The following MAD1L1 variants were observed in gnomAD, a reference collection of about 807,000 sequenced individuals.
MAD1L1 encodes the protein mitotic spindle assembly checkpoint protein MAD1.
Under a neutral mutation model 96.9 loss-of-function variants are expected in MAD1L1, and 95 were observed. That is an observed-to-expected ratio of 0.98 (90% CI 0.83 to 1.16). The LOEUF is 1.16. Among genes scored for constraint, MAD1L1 ranks in the 50% most tolerant of loss-of-function variants. The pLI, the probability that MAD1L1 is intolerant of heterozygous loss-of-function variation, is 0.00. For missense variants in MAD1L1, 1,007 were observed against 954.4 expected, an observed-to-expected ratio of 1.06 and a Z score of -0.73; for synonymous variants, 473 against 396.6, an observed-to-expected ratio of 1.19 and a Z score of -2.29.
chr7:2,156,648 C>T (rs1284312682), intron 10 of MAD1L1, among the ~76,000 whole-genome samples: 6 of 151,972 alleles, frequency 3.9e-5, no homozygotes, highest in Non-Finnish European at 8.8e-5. Context: ...GGTGAAACCC[C>T]GTCTCTACTA....
At chr7:1,936,012 G>A (rs901237556) in intron 17 of MAD1L1, among the ~76,000 whole-genome samples, 3 of 152,242 alleles carry the variant, frequency 2.0e-5, no homozygotes, top group African/African-American at 4.8e-5. Context: ...AACACAGGGG[G>A]CAGGGGTCTC....
chr7:2,210,527 C>T (rs113383409), intron 10 of MAD1L1, among the ~76,000 whole-genome samples: 1,304 of 122,690 alleles, frequency 0.011, 9 homozygotes, highest in African/African-American at 0.049. Flanking sequence ...ACCGCCAGCC[C>T]GCATTCCCGT....
At chr7:1,886,317 T>G (rs1562489795) in intron 18 of MAD1L1, among the ~76,000 whole-genome samples, 1 of 152,206 alleles carries the variant, frequency 6.6e-6, no homozygotes, top group Non-Finnish European at 1.5e-5. Context: ...TGCCCACTTA[T>G]TCACAAGCCT....
intron 18 of MAD1L1, among the ~76,000 whole-genome samples, chr7:1,882,914 ACGGCCCCAGGAACCAGC>A (rs1785776143): frequency 2.7e-5 from 4 of 146,276 alleles, no homozygotes; most frequent in Admixed American, 6.7e-5. Flanking sequence ...TGCACCACAA[ACGGCCCCAGGAACCAGC>A]TCTTTAACAC....
chr7:2,137,264 GT>G (rs1788798494), intron 11 of MAD1L1, among the ~76,000 whole-genome samples: 1 of 152,206 alleles, frequency 6.6e-6, no homozygotes, highest in Non-Finnish European at 1.5e-5. Context: ...TCATTTCTGT[GT>G]TTTCTCCAAA....
chr7:1,901,983 T>A (rs2128444152), intron 17 of MAD1L1, among the ~76,000 whole-genome samples: 1 of 152,264 alleles, frequency 6.6e-6, no homozygotes, highest in African/African-American at 2.4e-5. Flanking sequence ...ACAGGCCTGG[T>A]ACTGATGGGC....
At chr7:1,908,897 T>A (rs1437464667) in intron 17 of MAD1L1, among the ~76,000 whole-genome samples, 1 of 152,214 alleles carries the variant, frequency 6.6e-6, no homozygotes, top group African/African-American at 2.4e-5. Flanking sequence ...TCTCGTTAGA[T>A]GTCTCCCTGG....
chr7:1,834,137 G>C (rs983318555), intron 18 of MAD1L1, among the ~76,000 whole-genome samples: 1 of 152,094 alleles, frequency 6.6e-6, no homozygotes, highest in Non-Finnish European at 1.5e-5. Flanking sequence ...ACTGAATGAA[G>C]ATAAAAACAA....
At chr7:1,893,230 G>T (rs769400579) in intron 18 of MAD1L1, among the ~76,000 whole-genome samples, 3 of 152,190 alleles carry the variant, frequency 2.0e-5, no homozygotes, top group Non-Finnish European at 4.4e-5. Flanking sequence ...CTCCACCCAC[G>T]CGGCAACAAG....
intron 18 of MAD1L1, among the ~76,000 whole-genome samples, chr7:1,873,316 G>C (rs571701622): frequency 1.3e-5 from 2 of 152,354 alleles, no homozygotes; most frequent in African/African-American, 4.8e-5. Context: ...CAATGGGCTA[G>C]AGAGCGCCAG....
At chr7:2,005,856 C>T (rs1782008018) in intron 13 of MAD1L1, among the ~76,000 whole-genome samples, 1 of 152,172 alleles carries the variant, frequency 6.6e-6, no homozygotes, top group Admixed American at 6.5e-5. Flanking sequence ...TTGTAACCGG[C>T]TGCATCTTCC....
rs985665716 is a variant in MAD1L1, at chr7:2,119,027, G to A, written c.1073+30125C>T. On this transcript the variant is annotated intron_variant, in intron 11 of 18. Coordinates refer to ENST00000265854, the MANE Select transcript of MAD1L1 (RefSeq NM_001013836.2). This position sits in a 1 kb window ranked among gnomAD's most constrained non-coding sequence, Gnocchi z 4.6. Reference sequence around the variant, plus strand: ...GGCTCGCCCCAGCCTCCAGCCCCACGTGACGGTCTGCCTCCCAGACCCCTG... The same window carrying A: ...GGCTCGCCCCAGCCTCCAGCCCCACATGACGGTCTGCCTCCCAGACCCCTG... 2.0e-4 allele frequency among the ~76,000 whole-genome samples: 30 copies of A among 152,002 alleles called. No homozygotes were observed. The highest frequency in any genetic ancestry group is 2.0e-3 in the Admixed American group (30 of 15,282).
Position 2,142,180 on chromosome 7 carries a change from G to A in MAD1L1, c.1073+6972C>T, listed in dbSNP as rs1181276986. On this transcript the variant is annotated intron_variant, in intron 11 of 18. Transcript: ENST00000265854. This position sits in a 1 kb window ranked among gnomAD's most constrained non-coding sequence, Gnocchi z 4.7. Reference sequence around the variant, plus strand: ...CAGACAACTGACTCACGAGAGAGACGGCTTTTCAAAGGGCCCACACTAGCC... The same window carrying A: ...CAGACAACTGACTCACGAGAGAGACAGCTTTTCAAAGGGCCCACACTAGCC... Among the ~76,000 whole-genome samples the A allele has an allele frequency of 1.3e-5, 2 of 152,192 alleles. No homozygotes were observed. Among genetic ancestry groups the A allele is most frequent in the African/African-American group, 2.4e-5 (1 of 41,448 alleles).
At chr7:2,123,473 G>A (rs1011528758) in intron 11 of MAD1L1, among the ~76,000 whole-genome samples, 4 of 152,250 alleles carry the variant, frequency 2.6e-5, no homozygotes, top group African/African-American at 7.2e-5. Context: ...GTGTGAGGGC[G>A]GCTGACACCC....
At chr7:2,229,472 T>C (rs1252622331) in intron 3 of MAD1L1, among the ~76,000 whole-genome samples, 1 of 152,224 alleles carries the variant, frequency 6.6e-6, no homozygotes, top group African/African-American at 2.4e-5. Flanking sequence ...AACTATTTTA[T>C]AGAAGAAAAC....
At position 2,081,556 on chromosome 7, in the gene MAD1L1, G is replaced by A. The variant is rs192727994; in HGVS notation, c.1074-12218C>T. Reference sequence around the variant, plus strand: ...GGAACCCACCCCACACAGGAGGCGGGGGGCGCTCCCTGCATCACTGCAGCC... The same window carrying A: ...GGAACCCACCCCACACAGGAGGCGGAGGGCGCTCCCTGCATCACTGCAGCC... On this transcript the variant is annotated intron_variant, in intron 11 of 18. Coordinates refer to ENST00000265854, the MANE Select transcript of MAD1L1 (RefSeq NM_001013836.2). 6.6e-5 allele frequency among the ~76,000 whole-genome samples: 10 copies of A among 152,206 alleles called. No homozygotes were observed. In the East Asian group the frequency reaches 1.4e-3, roughly 21 times the overall value.
intron 12 of MAD1L1, among the ~76,000 whole-genome samples, chr7:2,042,126 C>T (rs1054679004): frequency 1.6e-4 from 24 of 151,978 alleles, no homozygotes; most frequent in Non-Finnish European, 3.4e-4. Context: ...CACGCAGACA[C>T]ACATGCACAC....
At chr7:1,867,928 C>T (rs1187070150) in intron 18 of MAD1L1, among the ~76,000 whole-genome samples, 1 of 152,240 alleles carries the variant, frequency 6.6e-6, no homozygotes, top group Non-Finnish European at 1.5e-5. Context: ...TGTCTGTGCT[C>T]GCTTCTCCCG....
intron 12 of MAD1L1, among the ~76,000 whole-genome samples, chr7:2,035,287 G>A (rs945603841): frequency 1.5e-5 from 2 of 137,366 alleles, no homozygotes; most frequent in African/African-American, 3.2e-5. Flanking sequence ...ACAGAGCTGG[G>A]GTCCAGGCTC....
Sources: allele counts gnomAD v4.1 joint callset (sites outside exome capture counted in the v4.1 genomes callset), GRCh38; gene constraint gnomAD v4.1.1; non-coding constraint Gnocchi (gnomAD v3.1); transcripts MANE v1.5; gene names NCBI Gene and HGNC (gene_info 2026-07-23, HGNC 2026-07-21).